The following KCNMA1 variants were observed in gnomAD, a reference collection of about 807,000 sequenced individuals.
The protein encoded by KCNMA1 is potassium calcium-activated channel subfamily M alpha 1.
In KCNMA1, 29 loss-of-function variants were observed where a neutral mutation model predicts 140.0. That is an observed-to-expected ratio of 0.21 (90% CI 0.15 to 0.28). The LOEUF is 0.28. Among genes scored for constraint, KCNMA1 ranks in the 10% least tolerant of loss-of-function variants. The pLI, the probability that KCNMA1 is intolerant of heterozygous loss-of-function variation, is 1.00. For missense variants in KCNMA1, 880 were observed against 1,602.2 expected (o/e 0.55, Z 7.70); for synonymous variants, 612 against 611.9 (o/e 1.00, Z 0.00).
intron 17 of KCNMA1, among the ~76,000 whole-genome samples, chr10:77,014,106 G>C (rs2091472916): frequency 6.6e-6 from 1 of 152,154 alleles, no homozygotes; most frequent in African/African-American, 2.4e-5. Context: ...AGAAACTGAA[G>C]CACACCTTTT....
At chr10:77,240,914 C>T (rs941858409) in intron 3 of KCNMA1, among the ~76,000 whole-genome samples, 2 of 152,196 alleles carry the variant, frequency 1.3e-5, no homozygotes, top group Non-Finnish European at 2.9e-5. Flanking sequence ...ACCAGTAAGA[C>T]TCATTGTCAG....
intron 1 of KCNMA1, among the ~76,000 whole-genome samples, chr10:77,601,095 G>T (rs776690860): frequency 6.6e-6 from 1 of 152,214 alleles, no homozygotes; most frequent in East Asian, 1.9e-4. Context: ...AGGAAGGTCT[G>T]ACTGCCTGGC....
chr10:77,278,453 G>A (rs1471259089), intron 2 of KCNMA1, among the ~76,000 whole-genome samples: 1 of 152,202 alleles, frequency 6.6e-6, no homozygotes, highest in African/African-American at 2.4e-5. Flanking sequence ...AATGTGTGAA[G>A]TGTAAATGAG....
intron 1 of KCNMA1, among the ~76,000 whole-genome samples, chr10:77,579,086 G>T (rs2619611): frequency 5.9e-5 from 9 of 152,048 alleles, no homozygotes; most frequent in African/African-American, 9.7e-5. Flanking sequence ...AGGGAAAGAG[G>T]GGAGGTCAGG....
intron 23 of KCNMA1, among the ~76,000 whole-genome samples, chr10:76,927,132 T>C (rs1247311272): frequency 6.6e-6 from 1 of 152,126 alleles, no homozygotes; most frequent in East Asian, 1.9e-4. Flanking sequence ...TCCAACAAAA[T>C]AAGCTAGCAA....
intron 5 of KCNMA1, among the ~76,000 whole-genome samples, chr10:77,147,083 C>G (rs944351490): frequency 1.3e-5 from 2 of 152,196 alleles, no homozygotes; most frequent in Non-Finnish European, 2.9e-5. Context: ...AAACCTAACT[C>G]GACTTGCAAG....
intron 1 of KCNMA1, among the ~76,000 whole-genome samples, chr10:77,624,857 T>C (rs2092234145): frequency 6.6e-6 from 1 of 151,952 alleles, no homozygotes; most frequent in South Asian, 2.1e-4. Flanking sequence ...TTGTCTGCTC[T>C]CAATGTGGGC....
At chr10:77,187,542 A>G (rs1434030237) in intron 3 of KCNMA1, among the ~76,000 whole-genome samples, 1 of 152,212 alleles carries the variant, frequency 6.6e-6, no homozygotes, top group Non-Finnish European at 1.5e-5. Context: ...TGCGTACTAG[A>G]CTTGGAGCTG....
At chr10:77,419,404 G>A (rs2096821196) in intron 1 of KCNMA1, among the ~76,000 whole-genome samples, 1 of 152,278 alleles carries the variant, frequency 6.6e-6, no homozygotes, top group South Asian at 2.1e-4. Context: ...AGAAAGGTCA[G>A]GTGGTTACCT....
chr10:77,156,951 C>G (rs2098493333), intron 5 of KCNMA1, among the ~76,000 whole-genome samples: 1 of 152,142 alleles, frequency 6.6e-6, no homozygotes, highest in Non-Finnish European at 1.5e-5. Context: ...CTGAAAAACT[C>G]CTAACCTCCT....
At chr10:76,920,708 G>A (rs952173629) in intron 23 of KCNMA1, among the ~76,000 whole-genome samples, 1 of 152,186 alleles carries the variant, frequency 6.6e-6, no homozygotes. Context: ...CCTGGGAGCC[G>A]CAGCCAGGCA....
At chr10:76,994,784 A>G (rs969346481) in intron 19 of KCNMA1, among the ~76,000 whole-genome samples, 2 of 152,162 alleles carry the variant, frequency 1.3e-5, no homozygotes, top group African/African-American at 4.8e-5. Flanking sequence ...GATCGTTTTG[A>G]AGAGCATGCT....
At chr10:76,988,586 G>T (rs910733664) in intron 19 of KCNMA1, among the ~76,000 whole-genome samples, 19 of 152,044 alleles carry the variant, frequency 1.2e-4, no homozygotes, top group Admixed American at 6.6e-5. Flanking sequence ...CATCAAAAAA[G>T]AAATTTTGAT....
At position 77,023,050 on chromosome 10, in the gene KCNMA1, G is replaced by A. The variant is rs546698474; in HGVS notation, c.1929-3951C>T. 25 of 396,738 alleles carry A rather than the reference G, an allele frequency of 6.3e-5. 1 individual carries two copies. The highest frequency in any genetic ancestry group is 3.7e-4 in the South Asian group (20 of 54,154). The allele number at this position is 396,738 out of a possible 1,614,324, so 24.6% of individuals were successfully genotyped here. ...CAATTGGCTAGCGGGGCTCAGTCCC[G>A]CAGGGAAATGCCTCTATCAGGTCCC... On this transcript the variant is annotated intron_variant, in intron 16 of 27. Coordinates refer to ENST00000286628, the MANE Select transcript of KCNMA1 (RefSeq NM_001161352.2).
intron 2 of KCNMA1, among the ~76,000 whole-genome samples, chr10:77,342,596 G>C (rs1031037712): frequency 4.6e-5 from 7 of 152,124 alleles, no homozygotes; most frequent in African/African-American, 7.2e-5. Context: ...TGAGACAAAG[G>C]GTCACCAAGG....
At chr10:77,445,942 G>A (rs977890438) in intron 1 of KCNMA1, among the ~76,000 whole-genome samples, 2 of 152,090 alleles carry the variant, frequency 1.3e-5, no homozygotes, top group Non-Finnish European at 2.9e-5. Context: ...GGCCCTTTTC[G>A]GCCAAAAGGC....
intron 9 of KCNMA1, among the ~76,000 whole-genome samples, chr10:77,106,888 G>A (rs1393401124): frequency 1.3e-5 from 2 of 152,190 alleles, no homozygotes; most frequent in Non-Finnish European, 2.9e-5. Context: ...TAATATTGAG[G>A]GGAGGGCTCC....
At chr10:76,940,920 C>A (rs2061765861) in intron 23 of KCNMA1, among the ~76,000 whole-genome samples, 1 of 148,390 alleles carries the variant, frequency 6.7e-6, no homozygotes, top group Non-Finnish European at 1.5e-5. Flanking sequence ...GATATCACAC[C>A]ATTGCATTCC....
At chr10:77,416,091 C>A (rs2154480479) in intron 1 of KCNMA1, among the ~76,000 whole-genome samples, 1 of 152,284 alleles carries the variant, frequency 6.6e-6, no homozygotes, top group Non-Finnish European at 1.5e-5. Flanking sequence ...ACTCCCCTAG[C>A]CCAAATGCCT....
Sources: allele counts gnomAD v4.1 joint callset (sites outside exome capture counted in the v4.1 genomes callset), GRCh38; gene constraint gnomAD v4.1.1; transcripts MANE v1.5; gene names NCBI Gene and HGNC (gene_info 2026-07-23, HGNC 2026-07-21).